Variants in SPIDR observed in about 807,000 individuals in gnomAD.
SPIDR encodes the protein DNA repair-scaffolding protein.
Under a neutral mutation model 104.6 loss-of-function variants are expected in SPIDR, and 93 were observed. The observed-to-expected ratio is 0.89, with a 90% confidence interval of 0.75 to 1.06. The LOEUF (loss-of-function observed/expected upper bound fraction) is 1.06. Among genes scored for constraint, SPIDR ranks in the 50% least tolerant of loss-of-function variants. The probability of loss-of-function intolerance (pLI) is 0.00; values close to 1 mark genes in which losing one functional copy is unlikely to be tolerated. For missense variants in SPIDR, 1,154 were observed against 1,111.2 expected (o/e 1.04, Z -0.55); for synonymous variants, 431 against 416.9 (o/e 1.03, Z -0.41).
At chr8:47,599,919 G>A (rs1441302102) in intron 10 of SPIDR, among the ~76,000 whole-genome samples, 2 of 152,248 alleles carry the variant, frequency 1.3e-5, no homozygotes, top group African/African-American at 2.4e-5. Flanking sequence ...CACCATGCCT[G>A]GCTAATTTTT....
intron 8 of SPIDR, among the ~76,000 whole-genome samples, chr8:47,446,087 G>A (rs2070535263): frequency 6.6e-6 from 1 of 152,212 alleles, no homozygotes; most frequent in Non-Finnish European, 1.5e-5. Flanking sequence ...CAGTGTAGGT[G>A]AAACAGCCTT....
intron 8 of SPIDR, among the ~76,000 whole-genome samples, chr8:47,499,355 A>G (rs1291844275): frequency 6.6e-6 from 1 of 152,138 alleles, no homozygotes; most frequent in Non-Finnish European, 1.5e-5. Context: ...TGGCTCAGAC[A>G]GTTTCTTAGA....
At chr8:47,519,467 A>AT (rs1587037851) in intron 8 of SPIDR, among the ~76,000 whole-genome samples, 1 of 152,302 alleles carries the variant, frequency 6.6e-6, no homozygotes, top group East Asian at 1.9e-4. Flanking sequence ...TTTAAGCCCC[A>AT]TAACAAAGTT....
intron 14 of SPIDR, among the ~76,000 whole-genome samples, chr8:47,711,062 C>T (rs2081814246): frequency 6.6e-6 from 1 of 152,172 alleles, no homozygotes; most frequent in Non-Finnish European, 1.5e-5. Flanking sequence ...CTGTGCCCAG[C>T]CCACTTATTA....
intron 8 of SPIDR, among the ~76,000 whole-genome samples, chr8:47,572,719 G>A (rs1216991639): frequency 2.5e-5 from 3 of 119,590 alleles, no homozygotes; most frequent in Admixed American, 8.8e-5. Flanking sequence ...TAACTTGTAC[G>A]ATTCCTGTAT....
At position 47,290,884 on chromosome 8, in the gene SPIDR, T is replaced by C. The variant is rs1193282667; in HGVS notation, c.257-149T>C. On this transcript the variant is annotated intron_variant, in intron 3 of 19. Coordinates refer to ENST00000297423, the MANE Select transcript of SPIDR (RefSeq NM_001080394.4). The stretch of plus-strand genomic sequence containing the variant: ...GTTAGTGAGATTGTACGTAGAACTT[T>C]AGGTAGGAAGATTTGACATAGACAT... 8.1e-6 allele frequency: 4 copies of C among 490,824 alleles called. No individual in the cohort carries two copies. In the East Asian group the frequency reaches 1.2e-4, roughly 15 times the overall value. 30.4% of individuals were successfully genotyped at this position (490,824 alleles called of 1,614,324 possible). A position where few individuals can be genotyped will look rare whatever the true frequency, so the allele number is the denominator to read the frequency against.
intron 5 of SPIDR, among the ~76,000 whole-genome samples, chr8:47,382,367 G>A (rs1554645903): frequency 6.6e-6 from 1 of 152,154 alleles, no homozygotes; most frequent in Non-Finnish European, 1.5e-5. Context: ...TTAAAGAGTA[G>A]CAATTGAATT....
intron 7 of SPIDR, among the ~76,000 whole-genome samples, chr8:47,417,275 C>T (rs1554676151): frequency 6.6e-6 from 1 of 152,200 alleles, no homozygotes; most frequent in Non-Finnish European, 1.5e-5. Context: ...TCTTCACATC[C>T]TCTCCAGCAC....
intron 9 of SPIDR, among the ~76,000 whole-genome samples, chr8:47,597,881 C>T (rs2061801168): frequency 6.6e-6 from 1 of 152,106 alleles, no homozygotes; most frequent in South Asian, 2.1e-4. Flanking sequence ...GCACTGGCCT[C>T]AAGATCTCTG....
intron 5 of SPIDR, among the ~76,000 whole-genome samples, chr8:47,345,471 C>T (rs1310290796): frequency 1.3e-5 from 2 of 151,898 alleles, no homozygotes; most frequent in African/African-American, 2.4e-5. Context: ...CATATGAACG[C>T]TAAAACACTT....
intron 3 of SPIDR, among the ~76,000 whole-genome samples, chr8:47,290,158 G>GC (rs1202830424): frequency 4.0e-5 from 6 of 151,896 alleles, no homozygotes; most frequent in Admixed American, 6.6e-5. Context: ...TCCTGCCTCA[G>GC]CCCCCCCTGA....
intron 10 of SPIDR, among the ~76,000 whole-genome samples, chr8:47,600,640 C>G (rs574744624): frequency 7.7e-4 from 117 of 152,140 alleles, no homozygotes; most frequent in Middle Eastern, 3.4e-3. Context: ...AGTCTTCTAC[C>G]CTTTGCCCTA....
intron 8 of SPIDR, among the ~76,000 whole-genome samples, chr8:47,471,803 G>T (rs547192717): frequency 6.6e-6 from 1 of 152,240 alleles, no homozygotes; most frequent in African/African-American, 2.4e-5. Context: ...TCATAAATTA[G>T]TTTTCTAACC....
intron 10 of SPIDR, among the ~76,000 whole-genome samples, chr8:47,617,928 G>A (rs149906835): frequency 2.0e-5 from 3 of 152,214 alleles, no homozygotes; most frequent in African/African-American, 4.8e-5. Context: ...CTTGGGGTGC[G>A]CCAGAGACAA....
intron 11 of SPIDR, among the ~76,000 whole-genome samples, chr8:47,678,782 A>G (rs535142700): frequency 2.0e-4 from 30 of 152,166 alleles, no homozygotes; most frequent in Non-Finnish European, 3.8e-4. Flanking sequence ...GAGGGGAGGA[A>G]GTGCATTTCA....
At chr8:47,562,237 T>C (rs1296395723) in intron 8 of SPIDR, among the ~76,000 whole-genome samples, 1 of 152,224 alleles carries the variant, frequency 6.6e-6, no homozygotes, top group Non-Finnish European at 1.5e-5. Context: ...ATCTTATTGA[T>C]GTCATAACAT....
At chr8:47,396,032 TC>T (rs782393348) in intron 5 of SPIDR, among the ~76,000 whole-genome samples, 1 of 152,224 alleles carries the variant, frequency 6.6e-6, no homozygotes, top group Non-Finnish European at 1.5e-5. Context: ...GTAGTGACGA[TC>T]ATCAGCCTTT....
At chr8:47,339,499 G>T (rs2050332789) in intron 5 of SPIDR, among the ~76,000 whole-genome samples, 1 of 152,012 alleles carries the variant, frequency 6.6e-6, no homozygotes, top group Admixed American at 6.6e-5. Context: ...AAGATCAGTA[G>T]ATGAGAGTGA....
chr8:47,520,722 A>C (rs1241343189), intron 8 of SPIDR, among the ~76,000 whole-genome samples: 1 of 152,216 alleles, frequency 6.6e-6, no homozygotes, highest in Non-Finnish European at 1.5e-5. Flanking sequence ...TGAAGTCATC[A>C]AGGTTAAATA....
Sources: gnomAD v4.1 joint callset for allele counts (sites outside exome capture counted in the v4.1 genomes callset) on GRCh38, gnomAD v4.1.1 for gene constraint, MANE v1.5 for transcripts, NCBI Gene and HGNC (gene_info 2026-07-23, HGNC 2026-07-21) for gene names.